WWOX: variants seen among roughly 807,000 people sequenced by gnomAD.
WWOX encodes the protein WW domain-containing oxidoreductase.
Under a neutral mutation model 46.2 loss-of-function variants are expected in WWOX, and 69 were observed. The observed-to-expected ratio is 1.49, with a 90% confidence interval of 1.23 to 1.82. The LOEUF (loss-of-function observed/expected upper bound fraction) is 1.82, where lower values mean the gene tolerates loss of function less well. Ranked by LOEUF, WWOX falls within the 40% of genes most tolerant of loss-of-function variation. The pLI is 0.00. For missense variants in WWOX, 919 were observed against 542.6 expected (o/e 1.69, Z -6.89); for synonymous variants, 359 against 202.6 (o/e 1.77, Z -6.56).
intron 8 of WWOX, among the ~76,000 whole-genome samples, chr16:78,633,539 T>C (rs2046491605): frequency 6.6e-6 from 1 of 152,192 alleles, no homozygotes; most frequent in Non-Finnish European, 1.5e-5. Context: ...CAACGCTGGT[T>C]TCCAACCTTT....
intron 8 of WWOX, among the ~76,000 whole-genome samples, chr16:78,544,618 G>T (rs944823983): frequency 6.6e-6 from 1 of 152,156 alleles, no homozygotes; most frequent in Non-Finnish European, 1.5e-5. Flanking sequence ...GGGCATGGTG[G>T]CTCACACCTC....
intron 8 of WWOX, among the ~76,000 whole-genome samples, chr16:78,881,202 C>G (rs1001555975): frequency 6.6e-6 from 1 of 151,866 alleles, no homozygotes; most frequent in Non-Finnish European, 1.5e-5. Flanking sequence ...GGGATTTTGC[C>G]ATGTTGCCCA....
intron 8 of WWOX, among the ~76,000 whole-genome samples, chr16:79,167,073 T>G (rs2050609047): frequency 6.6e-6 from 1 of 152,178 alleles, no homozygotes; most frequent in Non-Finnish European, 1.5e-5. Context: ...CCTGAGTAGC[T>G]GTGATTACAG....
At chr16:78,772,813 G>T (rs1877318819) in intron 8 of WWOX, among the ~76,000 whole-genome samples, 1 of 152,136 alleles carries the variant, frequency 6.6e-6, no homozygotes, top group South Asian at 2.1e-4. Context: ...GAGCTCAGAA[G>T]TTTGAGACCA....
intron 8 of WWOX, among the ~76,000 whole-genome samples, chr16:78,632,937 T>A (rs1251248819): frequency 1.3e-5 from 2 of 152,026 alleles, no homozygotes; most frequent in South Asian, 2.1e-4. Context: ...TGGAGAGGGA[T>A]CCAACATTTA....
At position 78,606,023 on chromosome 16, in the gene WWOX, T is replaced by C. The variant is rs527719755; in HGVS notation, c.1056+173271T>C. ...TTCTCGAATGCCTATTGTCAAAATA[T>C]ATACTAGTTAGGAGACACATTCTGC... On this transcript the variant is annotated intron_variant, in intron 8 of 8. Transcript: ENST00000566780. Among the ~76,000 whole-genome samples, 22 of 152,302 alleles carry C rather than the reference T, an allele frequency of 1.4e-4. No homozygotes were observed. In the East Asian group the frequency reaches 3.9e-3, roughly 27 times the overall value.
intron 8 of WWOX, among the ~76,000 whole-genome samples, chr16:78,570,906 C>A (rs576003804): frequency 2.0e-5 from 3 of 152,124 alleles, no homozygotes; most frequent in Admixed American, 2.0e-4. Context: ...AAGGAGCTGG[C>A]AGTGTGAATA....
intron 8 of WWOX, among the ~76,000 whole-genome samples, chr16:78,559,341 TC>T: frequency 6.6e-6 from 1 of 152,270 alleles, no homozygotes; most frequent in South Asian, 2.1e-4. Flanking sequence ...CCTAGAATAG[TC>T]CCGGCAAGAG....
chr16:78,159,221 G>C lies in WWOX; in HGVS notation c.410-4962G>C, dbSNP rs183735314. Among the ~76,000 whole-genome samples the C allele has an allele frequency of 1.9e-3, 296 of 152,088 alleles. 1 individual carries two copies. Among genetic ancestry groups the C allele is most frequent in the African/African-American group, 6.7e-3 (276 of 41,486 alleles). ...CATTCATTCATCAGTAGAAATTTAG[G>C]CTGCTTCCATGTCTTGGCTAGTATG... On this transcript the variant is annotated intron_variant, in intron 4 of 8. Transcript: ENST00000566780.
At chr16:78,143,742 G>T (rs1021675441) in intron 4 of WWOX, among the ~76,000 whole-genome samples, 3 of 137,760 alleles carry the variant, frequency 2.2e-5, no homozygotes, top group Non-Finnish European at 3.1e-5. Context: ...TCCTCTAAAA[G>T]AATTGGTATG....
At position 78,361,171 on chromosome 16, in the gene WWOX, T is replaced by C. The variant is rs192952645; in HGVS notation, c.517-25689T>C. ...TGCTTACTTATTTCCTTCTTTCTGATCTTGAGACCTTGATTTGTCCAGTAT... is the reference window on the plus strand; with the variant it reads ...TGCTTACTTATTTCCTTCTTTCTGACCTTGAGACCTTGATTTGTCCAGTAT... On this transcript the variant is annotated intron_variant, in intron 5 of 8. Transcript: ENST00000566780. Among the ~76,000 whole-genome samples, 100 of 152,264 alleles carry C rather than the reference T, an allele frequency of 6.6e-4. 1 individual carries two copies. Among genetic ancestry groups the C allele is most frequent in the Middle Eastern group, 3.4e-3 (1 of 294 alleles).
intron 6 of WWOX, among the ~76,000 whole-genome samples, chr16:78,393,992 T>A (rs1267708912): frequency 6.6e-6 from 1 of 152,232 alleles, no homozygotes; most frequent in African/African-American, 2.4e-5. Context: ...ATCCCAGATA[T>A]AATATTCTTG....
intron 8 of WWOX, among the ~76,000 whole-genome samples, chr16:78,946,671 G>C (rs1186155470): frequency 6.6e-6 from 1 of 152,172 alleles, no homozygotes; most frequent in East Asian, 1.9e-4. Context: ...CCACTCTGCA[G>C]ACATGTTGCA....
intron 8 of WWOX, chr16:78,897,387 A>C (rs762818505): frequency 6.6e-6 from 1 of 151,612 alleles, no homozygotes; most frequent in Non-Finnish European, 1.5e-5. Flanking sequence ...ACTTTGTTTT[A>C]CCTGTTCTAG....
At chr16:79,025,182 C>G (rs1209426741) in intron 8 of WWOX, among the ~76,000 whole-genome samples, 1 of 152,086 alleles carries the variant, frequency 6.6e-6, no homozygotes, top group Non-Finnish European at 1.5e-5. Context: ...CTGTGTCGGA[C>G]TTGTTTCAGA....
At chr16:78,502,447 C>G (rs1012160163) in intron 8 of WWOX, among the ~76,000 whole-genome samples, 2 of 152,210 alleles carry the variant, frequency 1.3e-5, no homozygotes, top group South Asian at 2.1e-4. Context: ...TTAGTCGTCT[C>G]TTGTGTCTGG....
chr16:78,121,727 T>A (rs1014734975), intron 4 of WWOX, among the ~76,000 whole-genome samples: 1 of 151,982 alleles, frequency 6.6e-6, no homozygotes, highest in African/African-American at 2.4e-5. Context: ...AGTGGCGTGA[T>A]CTCAGCTCAC....
intron 8 of WWOX, among the ~76,000 whole-genome samples, chr16:78,601,424 G>C (rs1346236589): frequency 7.3e-6 from 1 of 137,924 alleles, no homozygotes; most frequent in Non-Finnish European, 1.5e-5. Context: ...TGGTGCATGG[G>C]AATTCCCCAG....
At chr16:79,066,362 A>G (rs2048441453) in intron 8 of WWOX, among the ~76,000 whole-genome samples, 1 of 152,190 alleles carries the variant, frequency 6.6e-6, no homozygotes, top group Non-Finnish European at 1.5e-5. Flanking sequence ...CCAGTGGGAC[A>G]TAGTAGACTC....
Sources: gnomAD v4.1 joint callset for allele counts (sites outside exome capture counted in the v4.1 genomes callset) on GRCh38, gnomAD v4.1.1 for gene constraint, MANE v1.5 for transcripts, NCBI Gene and HGNC (gene_info 2026-07-23, HGNC 2026-07-21) for gene names.